Variants in CYTH3 observed in about 807,000 individuals in gnomAD.
The protein encoded by CYTH3 is cytohesin 3.
In CYTH3, 23 loss-of-function variants were observed where a neutral mutation model predicts 55.1. The ratio of observed to expected loss-of-function variants is 0.42; its 90% CI spans 0.30 to 0.59. The LOEUF (loss-of-function observed/expected upper bound fraction) is 0.59. Among genes scored for constraint, CYTH3 ranks in the 20% least tolerant of loss-of-function variants. CYTH3 has a pLI of 0.20. For synonymous variants in CYTH3, 249 were observed against 194.9 expected (o/e 1.28, Z -2.31); for missense variants, 413 against 524.8 (o/e 0.79, Z 2.08).
chr7:6,184,996 A>G (rs949853944), intron 4 of CYTH3, among the ~76,000 whole-genome samples: 17 of 152,344 alleles, frequency 1.1e-4, no homozygotes, highest in Middle Eastern at 3.4e-3. Context: ...CCCTTAAAAC[A>G]TAAGACCCAG....
At chr7:6,241,252 A>G (rs1779665234) in intron 1 of CYTH3, among the ~76,000 whole-genome samples, 2 of 152,276 alleles carry the variant, frequency 1.3e-5, no homozygotes, top group African/African-American at 4.8e-5. Context: ...AACATTTGCA[A>G]TCCATGGGAA....
intron 1 of CYTH3, among the ~76,000 whole-genome samples, chr7:6,191,413 T>C (rs1475292970): frequency 1.3e-5 from 2 of 152,166 alleles, no homozygotes; most frequent in Non-Finnish European, 2.9e-5. Flanking sequence ...CTTCAATAAA[T>C]ATGTGTGAAA....
At chr7:6,233,422 C>T (rs1583183257) in intron 1 of CYTH3, among the ~76,000 whole-genome samples, 1 of 152,082 alleles carries the variant, frequency 6.6e-6, no homozygotes, top group African/African-American at 2.4e-5. Context: ...TTTGGGAGGC[C>T]GAGGAGGGCA....
chr7:6,249,799 T>TTAATCAA (rs1229803581), intron 1 of CYTH3, among the ~76,000 whole-genome samples: 1 of 152,160 alleles, frequency 6.6e-6, no homozygotes, highest in Non-Finnish European at 1.5e-5. Context: ...AAGGAGACAC[T>TTAATCAA]GTGAAATGAT....
rs192215187 is a variant in CYTH3, at chr7:6,211,940, T to C, written c.35-21409A>G. On this transcript the variant is annotated intron_variant, in intron 1 of 12. Transcript: ENST00000350796. ...GGTGAAGGTTGCAGTGAGCTGAGAT[T>C]GTGCCACTGCACTCCAGCCTGGGCG... 1.1e-4 allele frequency among the ~76,000 whole-genome samples: 16 copies of C among 152,294 alleles called. No homozygotes were observed. The East Asian group carries it at 2.9e-3, about 28-fold the overall frequency.
chr7:6,186,963 C>T, intron 4 of CYTH3, 87 bp downstream of exon 4: 2 of 1,384,354 alleles, frequency 1.4e-6, no homozygotes, highest in Admixed American at 1.7e-5. Flanking sequence ...GGGCGGACCA[C>T]CTCTGACCTC....
rs753564298 is a variant in CYTH3, at chr7:6,246,675, C to T, written c.34+25799G>A. On this transcript the variant is annotated intron_variant, in intron 1 of 12. Transcript: ENST00000350796. ...TTACTTTCTCCTAACAGTCCCTGCC[C>T]CACCCCCACCTACTTCTCAGTTTCT... 6.6e-5 allele frequency among the ~76,000 whole-genome samples: 10 copies of T among 151,018 alleles called. 1 individual carries two copies. Among genetic ancestry groups the T allele is most frequent in the Non-Finnish European group, 1.2e-4 (8 of 67,876 alleles).
chr7:6,165,822 A>G lies in CYTH3; in HGVS notation c.824-12T>C. 1.2e-6 allele frequency: 2 copies of G among 1,613,898 alleles called. No homozygotes were observed. The highest frequency in any genetic ancestry group is 1.1e-5 in the South Asian group (1 of 91,078). On this transcript the variant is annotated splice_polypyrimidine_tract_variant and intron_variant, in intron 9 of 12. Transcript: ENST00000350796. ...CTTCACACGCCCTCCTAGAAGCAGA[A>G]GGGCCCCGTGAGTCTGCGCTCCGTG...
chr7:6,246,281 G>A (rs915536918), intron 1 of CYTH3, among the ~76,000 whole-genome samples: 1 of 151,246 alleles, frequency 6.6e-6, no homozygotes, highest in Non-Finnish European at 1.5e-5. Flanking sequence ...TGCTCCCCAG[G>A]CTGGTGGCGA....
intron 4 of CYTH3, among the ~76,000 whole-genome samples, chr7:6,186,371 C>G (rs568414119): frequency 3.3e-5 from 5 of 152,252 alleles, no homozygotes; most frequent in African/African-American, 4.8e-5. Context: ...TCAGGTCTAC[C>G]CTTCTTTCTC....
chr7:6,188,351 A>C (rs1188120606), intron 2 of CYTH3, among the ~76,000 whole-genome samples: 2 of 151,678 alleles, frequency 1.3e-5, no homozygotes, highest in African/African-American at 4.9e-5. Context: ...AAAAAAACAA[A>C]AAAACAAAAA....
At chr7:6,177,308 A>G (rs557714305) in intron 5 of CYTH3, among the ~76,000 whole-genome samples, 1 of 152,380 alleles carries the variant, frequency 6.6e-6, no homozygotes, top group South Asian at 2.1e-4. Context: ...GTCTTTGACA[A>G]AAGTCTGTTT....
chr7:6,261,590 C>T lies in CYTH3; in HGVS notation c.34+10884G>A, dbSNP rs1562419305. On this transcript the variant is annotated intron_variant, in intron 1 of 12. Transcript: ENST00000350796. The stretch of plus-strand genomic sequence containing the variant: ...AATTAGCTGGGCATGGTGGCATGTG[C>T]CTGTAGTCCCAGCTACTTGGGAGGC... Among the ~76,000 whole-genome samples the T allele has an allele frequency of 4.0e-5, 6 of 149,570 alleles. No individual in the cohort carries two copies. In the South Asian group the frequency reaches 1.3e-3, roughly 32 times the overall value.
At chr7:6,225,500 T>G (rs1562397585) in intron 1 of CYTH3, among the ~76,000 whole-genome samples, 2 of 151,788 alleles carry the variant, frequency 1.3e-5, no homozygotes, top group African/African-American at 4.8e-5. Context: ...ATTACAGGCA[T>G]GAACCACCAT....
At chr7:6,259,822 A>AT (rs1780298514) in intron 1 of CYTH3, among the ~76,000 whole-genome samples, 3 of 26,340 alleles carry the variant, frequency 1.1e-4, no homozygotes, top group East Asian at 1.2e-3. Flanking sequence ...TAATATATAT[A>AT]TATATATATA....
Position 6,248,345 on chromosome 7 carries a change from C to T in CYTH3, c.34+24129G>A, listed in dbSNP as rs189226453. 1.9e-3 allele frequency among the ~76,000 whole-genome samples: 293 copies of T among 150,906 alleles called. 2 individuals are homozygous for T. The highest frequency in any genetic ancestry group is 6.6e-3 in the African/African-American group (272 of 41,134). ...TGTTTTCTAACTCTAAGTTTATAGG[C>T]TGGAGGATGCATATATAAACTGCAC... On this transcript the variant is annotated intron_variant, in intron 1 of 12. Transcript: ENST00000350796.
At chr7:6,175,419 G>A (rs1292671230) in intron 5 of CYTH3, among the ~76,000 whole-genome samples, 1 of 151,976 alleles carries the variant, frequency 6.6e-6, no homozygotes, top group Non-Finnish European at 1.5e-5. Flanking sequence ...AATTGTCTTG[G>A]TACCTGGTTG....
intron 1 of CYTH3, among the ~76,000 whole-genome samples, chr7:6,202,093 T>G (rs1405144181): frequency 6.6e-6 from 1 of 152,216 alleles, no homozygotes; most frequent in Non-Finnish European, 1.5e-5. Flanking sequence ...TGGACTGGCT[T>G]TGGGACTTCC....
At chr7:6,175,567 T>TGA (rs35512401) in intron 5 of CYTH3, among the ~76,000 whole-genome samples, 2 of 148,966 alleles carry the variant, frequency 1.3e-5, no homozygotes, top group African/African-American at 5.0e-5. Context: ...TTTTTTTTTT[T>TGA]GAGAGAGTCT....
Sources: allele counts gnomAD v4.1 joint callset (sites outside exome capture counted in the v4.1 genomes callset), GRCh38; gene constraint gnomAD v4.1.1; transcripts MANE v1.5; gene names NCBI Gene and HGNC (gene_info 2026-07-23, HGNC 2026-07-21).